The following VIT variants were observed in gnomAD, a reference collection of about 807,000 sequenced individuals.
The protein encoded by VIT is vitrin.
In VIT, 99 loss-of-function variants were observed where a neutral mutation model predicts 78.0. That is an observed-to-expected ratio of 1.27 (90% CI 1.08 to 1.50). VIT has a LOEUF of 1.50. Ranked by LOEUF, VIT falls within the 40% of genes most tolerant of loss-of-function variation. The probability of loss-of-function intolerance (pLI) is 0.00; values close to 1 mark genes in which losing one functional copy is unlikely to be tolerated. For missense variants in VIT, 1,126 were observed against 875.3 expected (o/e 1.29, Z -3.61); for synonymous variants, 374 against 334.3 (o/e 1.12, Z -1.29).
chr2:36,794,031 G>A (rs4670613), intron 12 of VIT, among the ~76,000 whole-genome samples: 1 of 151,952 alleles, frequency 6.6e-6, no homozygotes, highest in African/African-American at 2.4e-5. Flanking sequence ...TCATCAGGTA[G>A]GTCTGGAAAC....
chr2:36,716,480 G>A (rs1196757403), intron 2 of VIT, 58 bp downstream of exon 2: 12 of 1,544,064 alleles, frequency 7.8e-6, no homozygotes, highest in Admixed American at 5.1e-5. Context: ...AAGATCCAAA[G>A]AATCTAGCCA....
At chr2:36,800,903 C>A (rs775695759) in intron 12 of VIT, among the ~76,000 whole-genome samples, 9 of 152,166 alleles carry the variant, frequency 5.9e-5, no homozygotes, top group Non-Finnish European at 1.2e-4. Flanking sequence ...CTGAGATTCT[C>A]TTTCTGGAGA....
intron 3 of VIT, among the ~76,000 whole-genome samples, chr2:36,736,761 C>T (rs1320637399): frequency 6.6e-6 from 1 of 152,220 alleles, no homozygotes; most frequent in Non-Finnish European, 1.5e-5. Flanking sequence ...TTAGAGGCCT[C>T]CTGTATGCAC....
chr2:36,743,573 T>G (rs1667965377), intron 4 of VIT, among the ~76,000 whole-genome samples: 1 of 152,194 alleles, frequency 6.6e-6, no homozygotes, highest in Non-Finnish European at 1.5e-5. Context: ...CTTTTAAGAT[T>G]TTCTCTTTAT....
intron 1 of VIT, among the ~76,000 whole-genome samples, chr2:36,698,938 G>C (rs1238920798): frequency 2.7e-5 from 4 of 150,544 alleles, no homozygotes; most frequent in Admixed American, 2.0e-4. Context: ...AGTGAGACCT[G>C]GTCTCAAAAA....
At position 36,774,887 on chromosome 2, in the gene VIT, C is replaced by T. The variant is rs114761354; in HGVS notation, c.737-115C>T. On this transcript the variant is annotated intron_variant, in intron 8 of 15. Transcript: ENST00000379242. ...GAAGTACAACCAGGCACAGAGAGCT[C>T]GGCCGACTTCCAAGGAAAATCTGAA... 2.6e-3 allele frequency: 4,010 copies of T among 1,515,364 alleles called. 85 individuals are homozygous for T. In the African/African-American group the frequency reaches 0.047, roughly 18 times the overall value. 93.9% of individuals were successfully genotyped at this position (1,515,364 alleles called of 1,614,324 possible).
rs148130817 is a variant in VIT, at chr2:36,808,630, C to G, written c.1548C>G (p.Asp516Glu). 154 of 1,614,120 alleles carry G rather than the reference C, an allele frequency of 9.5e-5. No individual in the cohort carries two copies. Among genetic ancestry groups the G allele is most frequent in the Non-Finnish European group, 1.3e-4 (150 of 1,180,050 alleles). ...CGGCTGACATTGGCTTCGTCATCGA[C>G]GGCTCCAGCAGTGTGGGGACGGGCA... ...LNSADIGFVI[D>E]GSSSVGTGNF... Residue 516 changes from aspartate to glutamate, a missense_variant, in exon 15 of 16, where the codon GAC (aspartate) becomes GAG (glutamate). Coordinates refer to ENST00000379242, the MANE Select transcript of VIT (RefSeq NM_053276.4).
chr2:36,713,541 T>C (rs1216354161), intron 1 of VIT, among the ~76,000 whole-genome samples: 1 of 152,152 alleles, frequency 6.6e-6, no homozygotes, highest in Non-Finnish European at 1.5e-5. Flanking sequence ...AATAGGATCA[T>C]GCTGGCTGCT....
chr2:36,782,497 C>T (rs568024998), intron 10 of VIT, among the ~76,000 whole-genome samples: 73 of 152,334 alleles, frequency 4.8e-4, no homozygotes, highest in African/African-American at 1.5e-3. Flanking sequence ...CGAGCGAAGA[C>T]CCCCGCACCT....
At chr2:36,759,332 C>T in intron 6 of VIT, 1 of 1,428,516 alleles carries the variant, frequency 7.0e-7, no homozygotes, top group Middle Eastern at 2.5e-4. Context: ...TGTATTGTTG[C>T]TTTAGAAAAT....
intron 4 of VIT, among the ~76,000 whole-genome samples, chr2:36,748,695 T>G (rs925414884): frequency 2.0e-5 from 3 of 152,350 alleles, no homozygotes; most frequent in African/African-American, 7.2e-5. Context: ...GTTGAGCTTC[T>G]TTGCCCCACA....
At chr2:36,731,891 T>A (rs990596035) in intron 3 of VIT, among the ~76,000 whole-genome samples, 1 of 152,200 alleles carries the variant, frequency 6.6e-6, no homozygotes, top group African/African-American at 2.4e-5. Context: ...TCATTTGAAA[T>A]AAAAGAAAGA....
intron 4 of VIT, among the ~76,000 whole-genome samples, chr2:36,754,289 T>C (rs1004870339): frequency 2.2e-5 from 3 of 138,720 alleles, no homozygotes; most frequent in Non-Finnish European, 3.3e-5. Flanking sequence ...TGTTCGACTC[T>C]GGGGCAAGAA....
intron 1 of VIT, among the ~76,000 whole-genome samples, chr2:36,714,798 T>C (rs1224272215): frequency 6.6e-6 from 1 of 152,212 alleles, no homozygotes; most frequent in African/African-American, 2.4e-5. Flanking sequence ...TTTCCTCATC[T>C]GTTCAATGAG....
chr2:36,774,167 G>A (rs759200505), intron 8 of VIT, among the ~76,000 whole-genome samples: 5 of 152,084 alleles, frequency 3.3e-5, no homozygotes, highest in South Asian at 2.1e-4. Context: ...GAGGAACTAC[G>A]GTAAAACACG....
intron 1 of VIT, among the ~76,000 whole-genome samples, chr2:36,700,106 T>C (rs1664958186): frequency 6.6e-6 from 1 of 152,200 alleles, no homozygotes; most frequent in African/African-American, 2.4e-5. Flanking sequence ...CTTTTACACA[T>C]TAACTCATCG....
At chr2:36,789,902 G>A (rs1258940095) in intron 12 of VIT, among the ~76,000 whole-genome samples, 2 of 152,120 alleles carry the variant, frequency 1.3e-5, no homozygotes, top group Non-Finnish European at 2.9e-5. Context: ...CAAGGGAGGA[G>A]GACTCCGGAG....
At position 36,810,219 on chromosome 2, in the gene VIT, A is replaced by T. The variant is rs1667055564; in HGVS notation, c.1903+1234A>T. On this transcript the variant is annotated intron_variant, in intron 15 of 15. Coordinates refer to ENST00000379242, the MANE Select transcript of VIT (RefSeq NM_053276.4). ...GGCAGGAGAATTGCTTGAACCCCAGAGGTGGAGTTTGCTGGTGAGCCGAGA... is the reference window on the plus strand; with the variant it reads ...GGCAGGAGAATTGCTTGAACCCCAGTGGTGGAGTTTGCTGGTGAGCCGAGA... Among the ~76,000 whole-genome samples the T allele has an allele frequency of 2.0e-5, 3 of 151,598 alleles. No individual in the cohort carries two copies. The South Asian group carries it at 6.3e-4, about 32-fold the overall frequency.
intron 2 of VIT, among the ~76,000 whole-genome samples, chr2:36,721,697 C>A (rs1253999730): frequency 1.3e-5 from 2 of 152,038 alleles, no homozygotes; most frequent in African/African-American, 4.8e-5. Flanking sequence ...CACTCCGGCA[C>A]TGAACTTCTG....
Sources: gnomAD v4.1 joint callset for allele counts (sites outside exome capture counted in the v4.1 genomes callset) on GRCh38, gnomAD v4.1.1 for gene constraint, MANE v1.5 for transcripts, NCBI Gene and HGNC (gene_info 2026-07-23, HGNC 2026-07-21) for gene names.